SYNPO2: variants seen among roughly 807,000 people sequenced by gnomAD.
SYNPO2 encodes the protein synaptopodin 2.
Under a neutral mutation model 85.0 loss-of-function variants are expected in SYNPO2, and 56 were observed. The ratio of observed to expected loss-of-function variants is 0.66; its 90% confidence interval spans 0.53 to 0.82. The LOEUF (loss-of-function observed/expected upper bound fraction) is 0.82, where lower values mean the gene tolerates loss of function less well. SYNPO2 is among the 40% of genes least tolerant of loss of function. The pLI, the probability that SYNPO2 is intolerant of heterozygous loss-of-function variation, is 0.00. For synonymous variants in SYNPO2, 602 were observed against 591.1 expected, an observed-to-expected ratio of 1.02 and a Z score of -0.27; for missense variants, 1,575 against 1,534.2, an observed-to-expected ratio of 1.03 and a Z score of -0.44.
intron 1 of SYNPO2, among the ~76,000 whole-genome samples, chr4:119,020,434 A>G (rs990034384): frequency 3.3e-5 from 5 of 152,208 alleles, no homozygotes; most frequent in African/African-American, 9.6e-5. Flanking sequence ...TTTTCCTATC[A>G]TGCAACACAT....
At chr4:118,957,251 G>A (rs1374314089) in intron 1 of SYNPO2, among the ~76,000 whole-genome samples, 1 of 152,076 alleles carries the variant, frequency 6.6e-6, no homozygotes, top group African/African-American at 2.4e-5. Flanking sequence ...TCCATGGCAG[G>A]GACCTACTGA....
chr4:118,895,529 A>C lies in SYNPO2; in HGVS notation c.105+6388A>C, dbSNP rs80012430. Among the ~76,000 whole-genome samples, 552 of 152,314 alleles carry C rather than the reference A, an allele frequency of 3.6e-3. 17 individuals carry two copies. In the East Asian group the frequency reaches 0.082, roughly 23 times the overall value. On this transcript the variant is annotated intron_variant, in intron 1 of 4. Transcript: ENST00000307142. The stretch of plus-strand genomic sequence containing the variant: ...GAGCTAGAGGGCCTCATTAGTGCAC[A>C]GTCCCCTAACACAGGAAATCAGGCT...
chr4:118,946,909 T>C (rs1734523870), intron 1 of SYNPO2, among the ~76,000 whole-genome samples: 1 of 152,202 alleles, frequency 6.6e-6, no homozygotes, highest in African/African-American at 2.4e-5. Context: ...ATATTTAGGC[T>C]TGGACTTTTG....
At chr4:118,902,310 C>T (rs985950731) in intron 1 of SYNPO2, among the ~76,000 whole-genome samples, 4 of 151,996 alleles carry the variant, frequency 2.6e-5, no homozygotes, top group Non-Finnish European at 4.4e-5. Flanking sequence ...TTCACACTGC[C>T]GATAAAGACA....
chr4:118,906,069 A>G (rs1265072430), intron 1 of SYNPO2, among the ~76,000 whole-genome samples: 1 of 152,220 alleles, frequency 6.6e-6, no homozygotes, highest in Non-Finnish European at 1.5e-5. Flanking sequence ...CATATGCCAC[A>G]TAACATGTAT....
Position 118,858,277 on chromosome 4 carries a change from T to G in SYNPO2, c.12+7337T>G, listed in dbSNP as rs1264611356. Among the ~76,000 whole-genome samples the G allele has an allele frequency of 2.0e-5, 3 of 152,166 alleles. No homozygotes were observed. In the East Asian group the frequency reaches 5.8e-4, roughly 29 times the overall value. Reference sequence around the variant, plus strand: ...CCTGAAAACAAGTACATTAGACACTTTTCATTTAAGTTTTACTGTTATTTA... The same window carrying G: ...CCTGAAAACAAGTACATTAGACACTGTTCATTTAAGTTTTACTGTTATTTA... On this transcript the variant is annotated intron_variant, in intron 1 of 4. Coordinates refer to the SYNPO2 transcript ENST00000610556.
At chr4:118,958,754 C>T (rs62327806) in intron 1 of SYNPO2, among the ~76,000 whole-genome samples, 49,112 of 152,028 alleles carry the variant, frequency 0.32, 8,056 homozygotes, top group Middle Eastern at 0.45. Flanking sequence ...ATGTTTCTTC[C>T]AGGAGCAAGG....
intron 1 of SYNPO2, among the ~76,000 whole-genome samples, chr4:118,864,618 C>A (rs1474668645): frequency 6.6e-6 from 1 of 152,110 alleles, no homozygotes; most frequent in Non-Finnish European, 1.5e-5. Context: ...TATCCGGGTG[C>A]GTGCTCTAGT....
chr4:118,886,917 G>A (rs370998221), upstream of SYNPO2, among the ~76,000 whole-genome samples: 70 of 152,280 alleles, frequency 4.6e-4, no homozygotes, highest in South Asian at 0.014. Flanking sequence ...GGCTTCTGGG[G>A]AGCATGGGCT....
chr4:118,858,005 G>T (rs1731537068), intron 1 of SYNPO2, among the ~76,000 whole-genome samples: 1 of 152,112 alleles, frequency 6.6e-6, no homozygotes, highest in Admixed American at 6.5e-5. Context: ...AAAACACAGG[G>T]CTTTCTGGCC....
At chr4:118,932,096 C>T (rs752423394) in intron 1 of SYNPO2, among the ~76,000 whole-genome samples, 2 of 152,204 alleles carry the variant, frequency 1.3e-5, no homozygotes, top group African/African-American at 4.8e-5. Context: ...TACTTGTCAT[C>T]TTTTCTCTCA....
rs542712986 is a variant in SYNPO2 at position 119,000,789 on chromosome 4, T to A, written c.106-22641T>A. ...AAATAACAAAAACTTTTAATTCCAC[T>A]TCTTAGAATTCAATTATGTCATTTG... On this transcript the variant is annotated intron_variant, in intron 1 of 4. Transcript: ENST00000307142. Among the ~76,000 whole-genome samples the A allele has an allele frequency of 2.6e-5, 4 of 152,336 alleles. No homozygotes were observed. In the East Asian group the frequency reaches 7.7e-4, roughly 29 times the overall value.
At chr4:118,988,436 C>T (rs1736295788) in intron 1 of SYNPO2, among the ~76,000 whole-genome samples, 1 of 151,976 alleles carries the variant, frequency 6.6e-6, no homozygotes, top group Admixed American at 6.6e-5. Flanking sequence ...CCTAACACAA[C>T]CTTATACAGC....
rs1553949407 is a variant in SYNPO2, at chr4:119,038,369, T to TTA, written c.3252+6342_3252+6343insTA. 3.7e-3 allele frequency: 3,061 copies of TTA among 835,834 alleles called. 3 individuals carry two copies. The highest frequency in any genetic ancestry group is 4.1e-3 in the Non-Finnish European group (2,825 of 693,870). 51.8% of individuals were successfully genotyped at this position (835,834 alleles called of 1,614,324 possible). On this transcript the variant is annotated intron_variant, in intron 4 of 4. Transcript: ENST00000307142. Reference sequence around the variant, plus strand: ...GAGAAAGAAGCATCTGTTTTATTAGTAAAAAAAAAAAATGAAATTTACAGC... The same window carrying TTA: ...GAGAAAGAAGCATCTGTTTTATTAGTTAAAAAAAAAAAAATGAAATTTACAGC...
In SYNPO2 at chr4:119,030,548, C is replaced by A; in HGVS notation, c.1773C>A (p.Pro591=). 1 of 1,614,156 alleles carries A rather than the reference C, an allele frequency of 6.2e-7. No homozygotes were observed. The highest frequency in any genetic ancestry group is 1.1e-5 in the South Asian group (1 of 91,074). Residue 591 remains proline, a synonymous_variant, in exon 4 of 5, where the codon CCC becomes CCA. Coordinates refer to ENST00000307142, the MANE Select transcript of SYNPO2 (RefSeq NM_133477.3). Reference sequence around the variant, plus strand: ...TCCCCATGAATAGAACGGCCAAACCCTTCCCAGGGTCTGTGAATCAGCCAG... The same window carrying A: ...TCCCCATGAATAGAACGGCCAAACCATTCCCAGGGTCTGTGAATCAGCCAG... ...RMVPMNRTAK[P]FPGSVNQPAT...
In SYNPO2 at chr4:118,888,890, G is replaced by A; in HGVS notation, c.-147G>A. The A allele has an allele frequency of 1.3e-6, 1 of 795,706 alleles. No homozygotes were observed. The highest frequency in any genetic ancestry group is 2.6e-5 in the Admixed American group (1 of 37,764). 49.3% of individuals were successfully genotyped at this position (795,706 alleles called of 1,614,324 possible). On this transcript the variant is annotated 5_prime_UTR_variant, in exon 1 of 5. Coordinates refer to ENST00000307142, the MANE Select transcript of SYNPO2 (RefSeq NM_133477.3). ...CAGCAGGCGGCTGGGGCGGCGGCTG[G>A]GGCAGCGGCTGCAGCAGCGGCGGAC...
intron 1 of SYNPO2, among the ~76,000 whole-genome samples, chr4:118,952,793 A>G (rs866456805): frequency 8.5e-5 from 13 of 152,152 alleles, no homozygotes; most frequent in African/African-American, 2.7e-4. Context: ...ACCAATATAT[A>G]TTGTTTATTA....
At chr4:118,911,653 A>C (rs1016630752) in intron 1 of SYNPO2, among the ~76,000 whole-genome samples, 1 of 152,170 alleles carries the variant, frequency 6.6e-6, no homozygotes, top group Non-Finnish European at 1.5e-5. Flanking sequence ...GTCAAAGGAA[A>C]ACTATGCATG....
intron 1 of SYNPO2, among the ~76,000 whole-genome samples, chr4:118,964,281 T>C (rs899855391): frequency 2.0e-5 from 3 of 150,150 alleles, no homozygotes; most frequent in African/African-American, 7.4e-5. Flanking sequence ...AAACCCTGTC[T>C]CTACAAAACA....
Sources: allele counts gnomAD v4.1 joint callset (sites outside exome capture counted in the v4.1 genomes callset), GRCh38; gene constraint gnomAD v4.1.1; transcripts MANE v1.5; gene names NCBI Gene and HGNC (gene_info 2026-07-23, HGNC 2026-07-21).